Variants in SUGCT observed in about 807,000 individuals in gnomAD.
SUGCT encodes succinyl-CoA:glutarate-CoA transferase, also known as succinyl-CoA:glutarate CoA-transferase.
SUGCT carries 41 observed loss-of-function variants against 55.0 expected under a neutral mutation model. The observed-to-expected ratio is 0.74, with a 90% CI of 0.58 to 0.97. The LOEUF (loss-of-function observed/expected upper bound fraction) is 0.97. Ranked by LOEUF, SUGCT falls within the 50% of genes least tolerant of loss-of-function variation. The pLI is 0.00. For synonymous variants in SUGCT, 187 were observed against 200.4 expected, an observed-to-expected ratio of 0.93 and a Z score of 0.56; for missense variants, 568 against 547.8, an observed-to-expected ratio of 1.04 and a Z score of -0.37.
the SUGCT span, among the ~76,000 whole-genome samples, chr7:41,027,028 T>C: frequency 6.6e-6 from 1 of 151,982 alleles, no homozygotes; most frequent in Non-Finnish European, 1.5e-5. Context: ...CAAGACTCCA[T>C]CTAAAAAAAA....
At chr7:40,292,689 A>G (rs902864131) in intron 8 of SUGCT, among the ~76,000 whole-genome samples, 1 of 152,200 alleles carries the variant, frequency 6.6e-6, no homozygotes, top group African/African-American at 2.4e-5. Flanking sequence ...AAGTAAAGAC[A>G]TACTTTTAAA....
chr7:40,837,083 GCAT>G (rs772486520), intron 13 of SUGCT, among the ~76,000 whole-genome samples: 2 of 152,108 alleles, frequency 1.3e-5, no homozygotes, highest in Non-Finnish European at 2.9e-5. Flanking sequence ...CAATTTCTCT[GCAT>G]CATCATCAGC....
intron 7 of SUGCT, among the ~76,000 whole-genome samples, chr7:40,246,154 C>T (rs1475227461): frequency 6.6e-6 from 1 of 152,110 alleles, no homozygotes; most frequent in East Asian, 1.9e-4. Context: ...TTTTTCTATT[C>T]CCAAGCAATA....
At chr7:40,421,853 T>C (rs770762345) in intron 9 of SUGCT, among the ~76,000 whole-genome samples, 5 of 152,178 alleles carry the variant, frequency 3.3e-5, no homozygotes, top group Non-Finnish European at 7.4e-5. Flanking sequence ...GCACTAACTT[T>C]GAGCTGTGGT....
chr7:40,698,698 G>T (rs925798638), intron 12 of SUGCT, among the ~76,000 whole-genome samples: 7 of 152,190 alleles, frequency 4.6e-5, no homozygotes, highest in African/African-American at 1.7e-4. Context: ...AGTTAGGGTT[G>T]AAGCATTACA....
chr7:40,710,602 G>A (rs1349020539), intron 12 of SUGCT, among the ~76,000 whole-genome samples: 1 of 151,996 alleles, frequency 6.6e-6, no homozygotes, highest in Non-Finnish European at 1.5e-5. Flanking sequence ...AGGAGAGAGA[G>A]AGATTTCTAA....
intron 12 of SUGCT, among the ~76,000 whole-genome samples, chr7:40,608,599 C>A (rs763069799): frequency 2.6e-5 from 4 of 152,276 alleles, no homozygotes; most frequent in Admixed American, 6.5e-5. Context: ...ACTCAAAGCT[C>A]ATTAGAAGTA....
intron 11 of SUGCT, among the ~76,000 whole-genome samples, chr7:40,487,028 T>C (rs951841271): frequency 6.6e-5 from 10 of 151,380 alleles, no homozygotes; most frequent in Non-Finnish European, 8.8e-5. Context: ...ATTACTGATA[T>C]CTATTTTTAT....
chr7:40,487,030 T>C (rs1791402314), intron 11 of SUGCT, among the ~76,000 whole-genome samples: 1 of 151,404 alleles, frequency 6.6e-6, no homozygotes, highest in Non-Finnish European at 1.5e-5. Context: ...TACTGATATC[T>C]ATTTTTATAC....
At chr7:40,757,198 G>GA (rs144313320) in intron 13 of SUGCT, among the ~76,000 whole-genome samples, 359 of 152,208 alleles carry the variant, frequency 2.4e-3, no homozygotes, top group Non-Finnish European at 4.1e-3. Context: ...CTTCCTAGGA[G>GA]AGCAGGGAGG....
At chr7:40,851,928 C>A (rs1220661934) in intron 13 of SUGCT, among the ~76,000 whole-genome samples, 1 of 152,138 alleles carries the variant, frequency 6.6e-6, no homozygotes, top group Non-Finnish European at 1.5e-5. Context: ...ATTTTTAAAA[C>A]CTCAGCATCA....
At chr7:40,463,952 A>G (rs1274833086) in intron 11 of SUGCT, among the ~76,000 whole-genome samples, 1 of 152,198 alleles carries the variant, frequency 6.6e-6, no homozygotes. Context: ...TTGCAATGCT[A>G]AGGAGCAACA....
the SUGCT span, among the ~76,000 whole-genome samples, chr7:40,891,031 A>G: frequency 6.6e-6 from 1 of 152,188 alleles, no homozygotes; most frequent in Non-Finnish European, 1.5e-5. Context: ...GAAAAATTTC[A>G]TAAAGAGCTC....
At chr7:40,226,168 T>G (rs1282196222) in intron 6 of SUGCT, among the ~76,000 whole-genome samples, 1 of 152,190 alleles carries the variant, frequency 6.6e-6, no homozygotes, top group African/African-American at 2.4e-5. Flanking sequence ...GGTTTTGGAA[T>G]CTTGCATGTA....
chr7:40,146,157 T>C (rs1201524866), intron 1 of SUGCT, among the ~76,000 whole-genome samples: 2 of 152,196 alleles, frequency 1.3e-5, no homozygotes, highest in Non-Finnish European at 2.9e-5. Context: ...TCATAATGTT[T>C]CCTCTGAAAG....
intron 9 of SUGCT, among the ~76,000 whole-genome samples, chr7:40,379,168 G>T (rs1280624094): frequency 6.6e-6 from 1 of 152,198 alleles, no homozygotes; most frequent in African/African-American, 2.4e-5. Context: ...GCAAGGAACT[G>T]AATCTGTCCT....
At chr7:40,593,350 C>T (rs1032501463) in intron 12 of SUGCT, among the ~76,000 whole-genome samples, 2 of 152,098 alleles carry the variant, frequency 1.3e-5, no homozygotes, top group African/African-American at 4.8e-5. Context: ...TAGGCATGGT[C>T]AAACCGTATT....
chr7:40,377,077 A>T (rs544636304), intron 9 of SUGCT, among the ~76,000 whole-genome samples: 2 of 115,296 alleles, frequency 1.7e-5, no homozygotes, highest in African/African-American at 6.1e-5. Flanking sequence ...CACATTTTTC[A>T]ATCTGTGTTT....
At position 40,485,218 on chromosome 7, in the gene SUGCT, A is replaced by G. The variant is rs76523450; in HGVS notation, c.987-11066A>G. Among the ~76,000 whole-genome samples, 364 of 152,008 alleles carry G rather than the reference A, an allele frequency of 2.4e-3. 12 individuals carry two copies. In the East Asian group the frequency reaches 0.064, roughly 27 times the overall value. On this transcript the variant is annotated intron_variant, in intron 11 of 13. Transcript: ENST00000335693. ...CCAAATCTATTCAAAACTCATGTGTATTGTAGCACACTTCCTGTGTTTGTT... is the reference window on the plus strand; with the variant it reads ...CCAAATCTATTCAAAACTCATGTGTGTTGTAGCACACTTCCTGTGTTTGTT...
Sources: gnomAD v4.1 joint callset for allele counts (sites outside exome capture counted in the v4.1 genomes callset) on GRCh38, gnomAD v4.1.1 for gene constraint, MANE v1.5 for transcripts, NCBI Gene and HGNC (gene_info 2026-07-23, HGNC 2026-07-21) for gene names.